BRME1: variants seen among roughly 807,000 people sequenced by gnomAD.
The protein encoded by BRME1 is break repair meiotic recombinase recruitment factor 1.
BRME1 carries 31 observed loss-of-function variants against 52.6 expected under a neutral mutation model. The observed-to-expected ratio is 0.59, with a 90% confidence interval of 0.44 to 0.80. The LOEUF (loss-of-function observed/expected upper bound fraction) is 0.80. Ranked by LOEUF, BRME1 falls within the 30% of genes least tolerant of loss-of-function variation. The pLI is 0.00. For missense variants in BRME1, 804 were observed against 860.3 expected (o/e 0.93, Z 0.82); for synonymous variants, 359 against 353.6 (o/e 1.02, Z -0.17).
In BRME1 at chr19:13,890,100, G is replaced by A; in HGVS notation, c.756C>T (p.Pro252=). The part of the protein sequence containing the change: ...SEGEKPDRGA[P]QEGGAQRTAG... ...CTGTCCTTTGGGCCCCTCCCTCCTG[G>A]GGGGCTCCTCTGTCTGGCTTCTCCC... is the stretch of plus-strand genomic sequence containing the variant. Residue 252 remains proline, a synonymous_variant, in exon 6 of 9, where the codon CCC becomes CCT. Coordinates refer to ENST00000586783, the MANE Select transcript of BRME1 (RefSeq NM_001345843.2). 1 of 1,614,014 alleles carries A rather than the reference G, an allele frequency of 6.2e-7. No homozygotes were observed. Among genetic ancestry groups the A allele is most frequent in the South Asian group, 1.1e-5 (1 of 91,088 alleles).
chr19:13,883,862 T>G lies in BRME1; in HGVS notation c.1764-462A>C, dbSNP rs1968809643. Among the ~76,000 whole-genome samples the G allele has an allele frequency of 7.9e-6, 1 of 127,176 alleles. No homozygotes were observed. Among genetic ancestry groups the G allele is most frequent in the African/African-American group, 4.6e-5 (1 of 21,650 alleles). 83.4% of individuals were successfully genotyped at this position (127,176 alleles called of 152,430 possible). The stretch of plus-strand genomic sequence containing the variant: ...GGATTCTGGAATGTTCTTTCCCAAA[T>G]GTCTCCTCCTGGTGGTGGCTTCCCT... On this transcript the variant is annotated intron_variant, in intron 7 of 8. Coordinates refer to ENST00000586783, the MANE Select transcript of BRME1 (RefSeq NM_001345843.2). This position sits in a 1 kb window ranked among gnomAD's most constrained non-coding sequence, Gnocchi z 4.2.
intron 2 of BRME1, among the ~76,000 whole-genome samples, chr19:13,896,651 T>C (rs1969921725): frequency 6.8e-6 from 1 of 147,650 alleles, no homozygotes; most frequent in South Asian, 2.1e-4. Flanking sequence ...TATACATACG[T>C]ATTTACATAT....
rs755634391 is a variant in BRME1 at position 13,890,238 on chromosome 19, C to T, written c.618G>A (p.Arg206=). 2.8e-5 allele frequency: 45 copies of T among 1,614,036 alleles called. 1 individual carries two copies. Among genetic ancestry groups the T allele is most frequent in the Non-Finnish European group, 8.5e-7 (1 of 1,180,002 alleles). Residue 206 remains arginine, a synonymous_variant, in exon 6 of 9, where the codon AGG becomes AGA. Coordinates refer to ENST00000586783, the MANE Select transcript of BRME1 (RefSeq NM_001345843.2). ...GTTCTGACAGGTGGTCTTGGCTGGC[C>T]CTCTGTGAGGCGGACAACCCCGTCC... ...DRGTGLSASQ[R]ASQDHLSEQG...
At position 13,888,558 on chromosome 19, in the gene BRME1, C is replaced by T. The variant is rs568589525; in HGVS notation, c.1668+630G>A. ...CCATCTGCCCAGACAGGAGAATGAA[C>T]GCCAACGGCTGGCACCGGCTCTGGA... On this transcript the variant is annotated intron_variant, in intron 6 of 8. Transcript: ENST00000586783. The surrounding 1 kb of genome is among the most constrained non-coding windows in gnomAD (Gnocchi z 4.1). Among the ~76,000 whole-genome samples the T allele has an allele frequency of 1.4e-4, 22 of 152,358 alleles. No individual in the cohort carries two copies. The highest frequency in any genetic ancestry group is 4.6e-4 in the Admixed American group (7 of 15,312).
intron 2 of BRME1, among the ~76,000 whole-genome samples, chr19:13,897,481 G>A (rs1218380902): frequency 1.3e-5 from 2 of 152,154 alleles, no homozygotes; most frequent in East Asian, 3.8e-4. Flanking sequence ...TGTGTGTTAA[G>A]ATAAAAGCTC....
At chr19:13,896,598 A>G (rs1348971274) in intron 2 of BRME1, among the ~76,000 whole-genome samples, 1 of 147,118 alleles carries the variant, frequency 6.8e-6, no homozygotes, top group East Asian at 1.9e-4. Context: ...AAATATGTAA[A>G]TATATATATT....
rs367906405 is a variant in BRME1, at chr19:13,882,854, G to A, written c.1955C>T (p.Ser652Phe). 43 of 1,613,962 alleles carry A rather than the reference G, an allele frequency of 2.7e-5. No individual in the cohort carries two copies. The highest frequency in any genetic ancestry group is 3.6e-5 in the Non-Finnish European group (43 of 1,180,004). Residue 652 changes from serine to phenylalanine, a missense_variant, in exon 9 of 9, where the codon TCC becomes TTC. Coordinates refer to ENST00000586783, the MANE Select transcript of BRME1 (RefSeq NM_001345843.2). Reference sequence around the variant, plus strand: ...TCGAGGGATATTCCCAGGCCCCTTGGAAGGGTAAGGCAGGGGGGCTTTGCC... The same window carrying A: ...TCGAGGGATATTCCCAGGCCCCTTGAAAGGGTAAGGCAGGGGGGCTTTGCC... ...LGGKAPLPYP[S>F]KGPGNIPRGD... is the part of the protein sequence containing the mutation.
chr19:13,893,293 C>T (rs758992457), intron 3 of BRME1, 70 bp from the exon 4 acceptor site: 1 of 1,366,856 alleles, frequency 7.3e-7, no homozygotes. Context: ...AATTGCAGCA[C>T]TTTGGGCGGC....
At chr19:13,902,749 C>A (rs934594402) in intron 2 of BRME1, among the ~76,000 whole-genome samples, 1 of 151,226 alleles carries the variant, frequency 6.6e-6, no homozygotes, top group Non-Finnish European at 1.5e-5. Flanking sequence ...CTGACCAAAC[C>A]CTGACTCTAC....
rs1212209107 is a variant in BRME1 at position 13,897,070 on chromosome 19, C to T, written c.32-1524G>A. Among the ~76,000 whole-genome samples the T allele has an allele frequency of 7.6e-5, 11 of 145,530 alleles. No homozygotes were observed. In the South Asian group the frequency reaches 8.6e-4, roughly 11 times the overall value. On this transcript the variant is annotated intron_variant, in intron 2 of 8. Transcript: ENST00000586783. ...TTTTTTTTTTTTTGAGACAGAGTCT[C>T]GCTCTGTCACCAGGCTGGAGTGCAA...
chr19:13,892,703 T>C, intron 5 of BRME1, 83 bp downstream of exon 5: 1 of 1,126,178 alleles, frequency 8.9e-7, no homozygotes, highest in Non-Finnish European at 1.3e-6. Context: ...GCCAAAGAAC[T>C]CCAGGGTTAA....
chr19:13,904,735 C>T (rs1216882193), intron 2 of BRME1, 127 bp downstream of exon 2: 15 of 1,016,530 alleles, frequency 1.5e-5, no homozygotes, highest in Admixed American at 1.1e-4. Flanking sequence ...CCACCGCACC[C>T]GGCCAATCCT....
chr19:13,900,625 A>G (rs942755285), intron 2 of BRME1, among the ~76,000 whole-genome samples: 1 of 152,256 alleles, frequency 6.6e-6, no homozygotes, highest in Non-Finnish European at 1.5e-5. Flanking sequence ...AACTTACTTT[A>G]GAAAATGATA....
Position 13,904,736 on chromosome 19 carries a change from G to A in BRME1, c.31+126C>T, listed in dbSNP as rs572102317. The A allele has an allele frequency of 2.8e-5, 29 of 1,028,766 alleles. No homozygotes were observed. In the African/African-American group the frequency reaches 3.5e-4, roughly 13 times the overall value. The allele number at this position is 1,028,766 out of a possible 1,614,324, so 63.7% of individuals were successfully genotyped here. ...ATTACAGGTGTGAGCCACCGCACCC[G>A]GCCAATCCTTGCTTCCTTTTAAGGA... On this transcript the variant is annotated intron_variant, in intron 2 of 8. Coordinates refer to ENST00000586783, the MANE Select transcript of BRME1 (RefSeq NM_001345843.2).
rs777901983 is a variant in BRME1, at chr19:13,889,772, G to A, written c.1084C>T (p.Gln362Ter). ...GAGGCAGGTGATATGGCACTGGCCT[G>A]CCCATCGGGCCCAGCCACCTCCAGA... ...RALEVAGPDGQASAISPASPR... is the reference protein window; with the variant it reads ...RALEVAGPDG The change falls in exon 6 of 9, where the codon CAG (glutamine) becomes TAG (stop). Residue 362 changes from glutamine to a stop codon, truncating the protein, a stop_gained. Transcript: ENST00000586783. LOFTEE classifies it high-confidence loss of function. 6.2e-7 allele frequency: 1 copy of A among 1,611,662 alleles called. No individual in the cohort carries two copies. The highest frequency in any genetic ancestry group is 8.5e-7 in the Non-Finnish European group (1 of 1,179,712).
chr19:13,882,927 C>T lies in BRME1; in HGVS notation c.1882G>A (p.Asp628Asn). 1 of 1,613,634 alleles carries T rather than the reference C, an allele frequency of 6.2e-7. No homozygotes were observed. Among genetic ancestry groups the T allele is most frequent in the Non-Finnish European group, 8.5e-7 (1 of 1,179,930 alleles). The part of the protein sequence containing the change: ...LNRLIMGTHR[D>N]LEAFKRLNYR... The stretch of plus-strand genomic sequence containing the variant: ...TTAAGGCGCTTGAAAGCTTCCAGGT[C>T]CCGGTGGGTGCCCATGATCAGCCGG... The change falls in exon 9 of 9, where the codon GAC (aspartate) becomes AAC (asparagine). Residue 628 changes from aspartate (D) to asparagine (N), a missense_variant. Asp to Asn is a conservative substitution (Grantham distance 23). Coordinates refer to ENST00000586783, the MANE Select transcript of BRME1 (RefSeq NM_001345843.2).
rs1217129032 is a variant in BRME1 at position 13,895,389 on chromosome 19, T to C, written c.189A>G (p.Pro63=). 5.6e-6 allele frequency: 9 copies of C among 1,613,216 alleles called. No individual in the cohort carries two copies. The African/African-American group carries it at 1.1e-4, about 19-fold the overall frequency. ...CCACCTACCTGGAGACGGCCTTTCC[T>C]GGTTCCTCCCCGTGCTGCTGTGTAG... The part of the protein sequence containing the change: ...VPSTQQHGEE[P]GKAVSSSPDE... Residue 63 remains proline (P), a synonymous_variant, in exon 3 of 9, where the codon CCA becomes CCG. Transcript: ENST00000586783.
Position 13,882,963 on chromosome 19 carries a change from AAC to A in BRME1, c.1857-13_1857-12del, listed in dbSNP as rs1968748262. 6.2e-7 allele frequency: 1 copy of A among 1,610,722 alleles called. No individual in the cohort carries two copies. The highest frequency in any genetic ancestry group is 8.5e-7 in the Non-Finnish European group (1 of 1,179,164). Reference sequence around the variant, plus strand: ...CCCATGATCAGCCGGCTGTGGGGGAAACACAGGCATGCGTGTGGGGCTCAGTG... The same window carrying A: ...CCCATGATCAGCCGGCTGTGGGGGAAACAGGCATGCGTGTGGGGCTCAGTG... On this transcript the variant is annotated splice_polypyrimidine_tract_variant and intron_variant, in intron 8 of 8. Transcript: ENST00000586783.
At position 13,889,251 on chromosome 19, in the gene BRME1, G is replaced by A. The variant is rs149161110; in HGVS notation, c.1605C>T (p.Phe535=). The A allele has an allele frequency of 1.9e-6, 3 of 1,613,610 alleles. No individual in the cohort carries two copies. In the African/African-American group the frequency reaches 4.0e-5, roughly 22 times the overall value. The stretch of plus-strand genomic sequence containing the variant: ...CATCCTGTATCTGGCTGTCCAGCAG[G>A]AAGTCGAGTTCCACAGCTAAAGAGT... ...WADSLAVELD[F]LLDSQIQDAL... is the part of the protein sequence containing the mutation. Residue 535 remains phenylalanine (F), a synonymous_variant, in exon 6 of 9, where the codon TTC becomes TTT. Coordinates refer to ENST00000586783, the MANE Select transcript of BRME1 (RefSeq NM_001345843.2).
Sources: allele counts gnomAD v4.1 joint callset (sites outside exome capture counted in the v4.1 genomes callset), GRCh38; gene constraint gnomAD v4.1.1; non-coding constraint Gnocchi (gnomAD v3.1); transcripts MANE v1.5; gene names NCBI Gene and HGNC (gene_info 2026-07-23, HGNC 2026-07-21).